CCDC15: variants seen among roughly 807,000 people sequenced by gnomAD.
CCDC15 encodes the protein coiled-coil domain-containing protein 15.
Under a neutral mutation model 114.5 loss-of-function variants are expected in CCDC15, and 105 were observed. That is an observed-to-expected ratio of 0.92 (90% CI 0.78 to 1.08). CCDC15 has a LOEUF of 1.08. Among genes scored for constraint, CCDC15 ranks in the 50% least tolerant of loss-of-function variants. The probability of loss-of-function intolerance (pLI) is 0.00; values close to 1 mark genes in which losing one functional copy is unlikely to be tolerated. For missense variants in CCDC15, 1,105 were observed against 1,093.6 expected, an observed-to-expected ratio of 1.01 and a Z score of -0.15; for synonymous variants, 334 against 377.8, an observed-to-expected ratio of 0.88 and a Z score of 1.34.
chr11:125,005,177 A>G lies in CCDC15; in HGVS notation c.2376A>G (p.Gln792=). ...MDIEREQVKE[Q]QRQKEQKKKI... is the part of the protein sequence containing the mutation. Reference sequence around the variant, plus strand: ...TTGAGAGAGAACAAGTTAAAGAACAACAAAGGCAAAAAGAACAAAAGAAGA... The same window carrying G: ...TTGAGAGAGAACAAGTTAAAGAACAGCAAAGGCAAAAAGAACAAAAGAAGA... Residue 792 remains glutamine (Q), a synonymous_variant, in exon 13 of 16, where the codon CAA becomes CAG. Coordinates refer to ENST00000344762, the MANE Select transcript of CCDC15 (RefSeq NM_025004.3). The G allele has an allele frequency of 6.4e-7, 1 of 1,567,180 alleles. No homozygotes were observed. Among genetic ancestry groups the G allele is most frequent in the African/African-American group, 1.4e-5 (1 of 73,826 alleles).
At chr11:124,999,496 G>C (rs983699507) in intron 11 of CCDC15, among the ~76,000 whole-genome samples, 6 of 150,978 alleles carry the variant, frequency 4.0e-5, no homozygotes, top group African/African-American at 1.5e-4. Context: ...CTTCACAGTG[G>C]ATCATTTATA....
At chr11:124,989,962 A>C (rs1591594014) in intron 8 of CCDC15, among the ~76,000 whole-genome samples, 2 of 152,210 alleles carry the variant, frequency 1.3e-5, no homozygotes, top group East Asian at 3.8e-4. Flanking sequence ...AGTAGATTTT[A>C]ATTTCCTTCA....
At chr11:125,023,043 G>A (rs1948672507) in intron 13 of CCDC15, among the ~76,000 whole-genome samples, 1 of 151,794 alleles carries the variant, frequency 6.6e-6, no homozygotes, top group South Asian at 2.1e-4. Flanking sequence ...TTTTCAGTTT[G>A]TTCTTTTATG....
At chr11:125,038,334 T>C in intron 13 of CCDC15, 97 bp from the exon 14 acceptor site, 1 of 806,346 alleles carries the variant, frequency 1.2e-6, no homozygotes, top group Non-Finnish European at 1.8e-6. Flanking sequence ...CCTGACTCCT[T>C]AGTTTCTGGG....
chr11:124,995,640 G>A (rs1253598814), intron 11 of CCDC15, among the ~76,000 whole-genome samples: 1 of 152,174 alleles, frequency 6.6e-6, no homozygotes, highest in South Asian at 2.1e-4. Flanking sequence ...CTAAAGAAGA[G>A]AGACTGATAC....
chr11:125,020,994 C>T (rs1382926211), intron 13 of CCDC15, among the ~76,000 whole-genome samples: 1 of 151,430 alleles, frequency 6.6e-6, no homozygotes, highest in Non-Finnish European at 1.5e-5. Context: ...TAAATAGGCT[C>T]GAATATCAGG....
intron 2 of CCDC15, among the ~76,000 whole-genome samples, chr11:124,957,516 A>G (rs1452332326): frequency 6.6e-6 from 1 of 152,180 alleles, no homozygotes; most frequent in Non-Finnish European, 1.5e-5. Flanking sequence ...CTCTAAGAAC[A>G]GAGGTGGAAG....
intron 13 of CCDC15, among the ~76,000 whole-genome samples, chr11:125,009,652 C>G (rs2135524195): frequency 6.6e-6 from 1 of 152,274 alleles, no homozygotes; most frequent in South Asian, 2.1e-4. Context: ...CTTTTCTCCT[C>G]CCCTATCCCT....
chr11:125,031,636 G>T (rs1948739808), intron 13 of CCDC15, among the ~76,000 whole-genome samples: 1 of 152,208 alleles, frequency 6.6e-6, no homozygotes, highest in African/African-American at 2.4e-5. Context: ...AGATGGCAGG[G>T]CCTTGCTCCA....
intron 13 of CCDC15, among the ~76,000 whole-genome samples, chr11:125,011,187 C>A (rs1410566468): frequency 4.0e-5 from 6 of 150,860 alleles, no homozygotes; most frequent in Non-Finnish European, 8.9e-5. Context: ...AGTTTTCCTT[C>A]ATCTTAATGG....
chr11:125,030,548 A>G (rs758000032), intron 13 of CCDC15, among the ~76,000 whole-genome samples: 3 of 152,230 alleles, frequency 2.0e-5, no homozygotes, highest in Non-Finnish European at 4.4e-5. Flanking sequence ...GTAAGTGTGT[A>G]TTCCAGTGAG....
chr11:124,986,720 T>C (rs879156271), intron 6 of CCDC15, 22 bp from the exon 7 acceptor site: 2 of 1,457,042 alleles, frequency 1.4e-6, no homozygotes, highest in African/African-American at 1.7e-5. Context: ...CGCGTGCGCG[T>C]TTTCATTGTT....
intron 13 of CCDC15, among the ~76,000 whole-genome samples, chr11:125,018,503 G>T (rs886256048): frequency 1.3e-5 from 2 of 152,008 alleles, no homozygotes; most frequent in Non-Finnish European, 1.5e-5. Flanking sequence ...CGTATATTTA[G>T]TATTACAAGA....
At chr11:125,004,179 C>G (rs1334296393) in intron 12 of CCDC15, among the ~76,000 whole-genome samples, 2 of 151,860 alleles carry the variant, frequency 1.3e-5, no homozygotes, top group African/African-American at 2.4e-5. Context: ...TTATTTGATA[C>G]TAATAAATTT....
At chr11:125,038,074 A>G (rs922218456) in intron 13 of CCDC15, 3 of 154,282 alleles carry the variant, frequency 1.9e-5, no homozygotes, top group Admixed American at 6.5e-5. Context: ...CCGTGCCACC[A>G]CTGCCTGGCT....
Position 125,040,723 on chromosome 11 carries a change from A to G in CCDC15, c.*12A>G. The stretch of plus-strand genomic sequence containing the variant: ...TGAAAAATCTATAATAAGAATCTGA[A>G]ATTAACTGGTAGTATTTTGGCTTTT... On this transcript the variant is annotated 3_prime_UTR_variant, in exon 16 of 16. Transcript: ENST00000344762. 1 of 1,609,338 alleles carries G rather than the reference A, an allele frequency of 6.2e-7. No homozygotes were observed. Among genetic ancestry groups the G allele is most frequent in the Non-Finnish European group, 8.5e-7 (1 of 1,177,372 alleles).
At chr11:125,005,461 A>G (rs546650373) in intron 13 of CCDC15, among the ~76,000 whole-genome samples, 1 of 152,242 alleles carries the variant, frequency 6.6e-6, no homozygotes, top group East Asian at 1.9e-4. Context: ...TACAGAGAGT[A>G]TACCCTCTGC....
intron 6 of CCDC15, among the ~76,000 whole-genome samples, chr11:124,977,828 G>T (rs1031315854): frequency 6.6e-6 from 1 of 152,052 alleles, no homozygotes; most frequent in African/African-American, 2.4e-5. Flanking sequence ...ATCTAATTTA[G>T]AGCATTTTAT....
chr11:125,003,622 T>C (rs1948512969), intron 11 of CCDC15, among the ~76,000 whole-genome samples: 1 of 152,086 alleles, frequency 6.6e-6, no homozygotes, highest in African/African-American at 2.4e-5. Context: ...TTTAATTTTT[T>C]GTTTATTCAT....
Sources: gnomAD v4.1 joint callset for allele counts (sites outside exome capture counted in the v4.1 genomes callset) on GRCh38, gnomAD v4.1.1 for gene constraint, MANE v1.5 for transcripts, NCBI Gene and HGNC (gene_info 2026-07-23, HGNC 2026-07-21) for gene names.